The following EMSY variants were observed in gnomAD, a reference collection of about 807,000 sequenced individuals.
EMSY encodes BRCA2-interacting transcriptional repressor EMSY.
A neutral mutation model predicts 134.6 loss-of-function variants in EMSY; 26 were observed. The ratio of observed to expected loss-of-function variants is 0.19; its 90% CI spans 0.14 to 0.27. The LOEUF (loss-of-function observed/expected upper bound fraction) is 0.27, where lower values mean the gene tolerates loss of function less well. Among genes scored for constraint, EMSY ranks in the 10% least tolerant of loss-of-function variants. EMSY has a pLI of 1.00. For synonymous variants in EMSY, 579 were observed against 577.8 expected (o/e 1.00, Z -0.03); for missense variants, 1,305 against 1,611.4 (o/e 0.81, Z 3.26).
chr11:76,482,257 A>G (rs1949012288), intron 8 of EMSY, among the ~76,000 whole-genome samples: 1 of 152,242 alleles, frequency 6.6e-6, no homozygotes, highest in African/African-American at 2.4e-5. Flanking sequence ...CACCAACATC[A>G]AAGACCAAAG....
At chr11:76,551,259 T>G (rs1951828121) in exon 21 of EMSY, 1 of 150,586 alleles carries the variant, frequency 6.6e-6, no homozygotes, top group African/African-American at 2.5e-5. Context: ...GGTAAGGGGG[T>G]GGGAGGGTAA....
intron 7 of EMSY, among the ~76,000 whole-genome samples, chr11:76,470,586 C>T (rs972940613): frequency 6.6e-5 from 10 of 152,094 alleles, no homozygotes; most frequent in East Asian, 1.9e-4. Flanking sequence ...ACTAACACTC[C>T]GGTGCAGGCA....
Position 76,446,333 on chromosome 11 carries a change from A to ATATGTATATATATG in EMSY, c.-39-566_-39-565insATGTATATATATGT, listed in dbSNP as rs1565263069. 2.5e-3 allele frequency among the ~76,000 whole-genome samples: 149 copies of ATATGTATATATATG among 59,648 alleles called. 1 individual carries two copies. The highest frequency in any genetic ancestry group is 9.5e-3 in the African/African-American group (144 of 15,206). The allele number at this position is 59,648 out of a possible 152,430, so 39.1% of individuals were successfully genotyped here. A position where few individuals can be genotyped will look rare whatever the true frequency, so the allele number is the denominator to read the frequency against. On this transcript the variant is annotated intron_variant, in intron 1 of 20. Transcript: ENST00000334736. ...TATATGTGTGTGTGTGTATATATAT[A>ATATGTATATATATG]TGTATATATATATGTGTATATATAT... is the stretch of plus-strand genomic sequence containing the variant.
intron 10 of EMSY, among the ~76,000 whole-genome samples, chr11:76,514,081 T>G (rs1481998061): frequency 6.6e-6 from 1 of 152,152 alleles, no homozygotes; most frequent in East Asian, 1.9e-4. Flanking sequence ...GTGTTGAACA[T>G]TTTGGATAGT....
exon 3 of EMSY, chr11:76,451,898 A>G (rs1254644982): frequency 3.8e-6 from 6 of 1,594,186 alleles, no homozygotes; most frequent in Non-Finnish European, 5.1e-6. Flanking sequence ...CACTTCGGGC[A>G]CAGGGGGATC....
chr11:76,518,704 T>TATATATATATATATA (rs1555068832), intron 11 of EMSY, among the ~76,000 whole-genome samples: 5 of 78,336 alleles, frequency 6.4e-5, no homozygotes, highest in Non-Finnish European at 1.2e-4. Context: ...TATATATATA[T>TATATATATATATATA]TTTTTTTTTA....
chr11:76,445,936 G>A (rs1947368344), intron 1 of EMSY, among the ~76,000 whole-genome samples: 1 of 152,156 alleles, frequency 6.6e-6, no homozygotes, highest in South Asian at 2.1e-4. Flanking sequence ...ATGGGAAGTA[G>A]GGGGAGGGGG....
At chr11:76,454,345 C>G (rs1021868944) in intron 4 of EMSY, among the ~76,000 whole-genome samples, 1 of 151,884 alleles carries the variant, frequency 6.6e-6, no homozygotes, top group African/African-American at 2.4e-5. Context: ...GCTGTTTATT[C>G]TGGAATTTTG....
intron 7 of EMSY, among the ~76,000 whole-genome samples, chr11:76,470,231 T>G (rs931357817): frequency 1.3e-5 from 2 of 152,182 alleles, no homozygotes; most frequent in African/African-American, 4.8e-5. Context: ...ATTCTTTAGA[T>G]TTTTCAAAAC....
At chr11:76,528,500 A>G in intron 14 of EMSY, 34 bp downstream of exon 15, 1 of 1,513,794 alleles carries the variant, frequency 6.6e-7, no homozygotes, top group African/African-American at 1.4e-5. Flanking sequence ...TTATATAAGT[A>G]CTACTGACAT....
At chr11:76,462,886 A>T (rs185014457) in intron 6 of EMSY, among the ~76,000 whole-genome samples, 393 of 152,338 alleles carry the variant, frequency 2.6e-3, no homozygotes, top group African/African-American at 9.1e-3. Flanking sequence ...GCATGATGAG[A>T]TGTGAAATTT....
At chr11:76,538,364 A>T (rs191251997) in intron 16 of EMSY, among the ~76,000 whole-genome samples, 416 of 152,212 alleles carry the variant, frequency 2.7e-3, no homozygotes, top group Admixed American at 4.1e-3. Context: ...GGCTCAGGTG[A>T]TCCTCCTGCC....
exon 15 of EMSY, chr11:76,535,964 A>G (rs144798466): frequency 6.2e-7 from 1 of 1,605,258 alleles, no homozygotes; most frequent in Non-Finnish European, 8.5e-7. Context: ...ATTGCAATGG[A>G]GACTAGCCCT....
chr11:76,512,648 A>G, intron 9 of EMSY, among the ~76,000 whole-genome samples: 1 of 150,850 alleles, frequency 6.6e-6, no homozygotes, highest in Admixed American at 6.6e-5. Flanking sequence ...AAATGGGAAA[A>G]GGGTTAAAAG....
At chr11:76,453,457 C>T in intron 4 of EMSY, 69 bp downstream of exon 4, 1 of 1,399,700 alleles carries the variant, frequency 7.1e-7, no homozygotes, top group South Asian at 1.2e-5. Context: ...AACAGTCTTC[C>T]TATTGTGTAG....
Position 76,453,403 on chromosome 11 carries a change from G to T in EMSY, c.245+15G>T, listed in dbSNP as rs534914717. On this transcript the variant is annotated intron_variant, in intron 4 of 20. Transcript: ENST00000334736. ...ATTGCACATAAGTAAGCCATTAGTC[G>T]TACCATCCCTGATTTTTTATGACAT... 1.2e-6 allele frequency: 2 copies of T among 1,608,316 alleles called. No homozygotes were observed. The highest frequency in any genetic ancestry group is 1.7e-6 in the Non-Finnish European group (2 of 1,176,114).
At chr11:76,500,332 C>G (rs959625153) in intron 9 of EMSY, among the ~76,000 whole-genome samples, 47 of 152,286 alleles carry the variant, frequency 3.1e-4, no homozygotes, top group Non-Finnish European at 4.6e-4. Flanking sequence ...AGCTCCTAAT[C>G]TCTTCCCAAA....
intron 16 of EMSY, 35 bp downstream of exon 17, chr11:76,537,985 G>A (rs1290971675): frequency 1.3e-6 from 2 of 1,516,268 alleles, no homozygotes; most frequent in Non-Finnish European, 1.8e-6. Flanking sequence ...ATTAAGGTAG[G>A]AGAACTACCT....
chr11:76,509,411 T>C (rs1008216642), intron 9 of EMSY, among the ~76,000 whole-genome samples: 1 of 152,172 alleles, frequency 6.6e-6, no homozygotes, highest in Non-Finnish European at 1.5e-5. Flanking sequence ...GAGAATTGCT[T>C]GAACCCAGGA....
Sources: allele counts gnomAD v4.1 joint callset (sites outside exome capture counted in the v4.1 genomes callset), GRCh38; gene constraint gnomAD v4.1.1; transcripts MANE v1.5; gene names NCBI Gene and HGNC (gene_info 2026-07-23, HGNC 2026-07-21).